The following ADK variants were observed in gnomAD, a reference collection of about 807,000 sequenced individuals.
The protein encoded by ADK is adenosine kinase.
A neutral mutation model predicts 44.7 loss-of-function variants in ADK; 24 were observed. The observed-to-expected ratio is 0.54, with a 90% CI of 0.39 to 0.76. The LOEUF (loss-of-function observed/expected upper bound fraction) is 0.76. Among genes scored for constraint, ADK ranks in the 30% least tolerant of loss-of-function variants. The pLI, the probability that ADK is intolerant of heterozygous loss-of-function variation, is 0.00. For synonymous variants in ADK, 128 were observed against 142.6 expected, an observed-to-expected ratio of 0.90 and a Z score of 0.73; for missense variants, 321 against 425.1, an observed-to-expected ratio of 0.76 and a Z score of 2.15.
intron 6 of ADK, chr10:74,423,605 TGTC>T: frequency 3.3e-6 from 1 of 299,156 alleles, no homozygotes; most frequent in Non-Finnish European, 6.7e-6. Flanking sequence ...CATAGTCAAC[TGTC>T]GTCGTCTGCA....
chr10:74,259,967 T>C (rs1845981426), intron 3 of ADK, among the ~76,000 whole-genome samples: 1 of 152,170 alleles, frequency 6.6e-6, no homozygotes, highest in South Asian at 2.1e-4. Flanking sequence ...ACTATGTATG[T>C]TAAGTGCATT....
intron 6 of ADK, among the ~76,000 whole-genome samples, chr10:74,467,439 G>A (rs1846400727): frequency 6.6e-6 from 1 of 152,062 alleles, no homozygotes; most frequent in Admixed American, 6.6e-5. Context: ...TATCTCCAGG[G>A]CTTGCTTCGT....
At chr10:74,199,098 A>T (rs1843271828) in intron 1 of ADK, among the ~76,000 whole-genome samples, 1 of 152,190 alleles carries the variant, frequency 6.6e-6, no homozygotes, top group African/African-American at 2.4e-5. Flanking sequence ...GAATTATATC[A>T]CTTCTGATAT....
intron 3 of ADK, among the ~76,000 whole-genome samples, chr10:74,252,119 C>T (rs1845673865): frequency 6.6e-6 from 1 of 152,002 alleles, no homozygotes; most frequent in Admixed American, 6.6e-5. Flanking sequence ...CCTCTCCCCT[C>T]ATTTTTGGAT....
At chr10:74,517,364 A>G (rs1369903159) in intron 6 of ADK, among the ~76,000 whole-genome samples, 3 of 152,098 alleles carry the variant, frequency 2.0e-5, no homozygotes, top group African/African-American at 7.2e-5. Context: ...TTTATAACAT[A>G]CCTGAAGTTG....
Position 74,342,657 on chromosome 10 carries a change from T to A in ADK, c.273+27912T>A, listed in dbSNP as rs143530861. On this transcript the variant is annotated intron_variant, in intron 4 of 10. Coordinates refer to ENST00000539909, the MANE Select transcript of ADK (RefSeq NM_006721.4). ...CCTGGCTAATTTTTAATTTTTTTTG[T>A]AGAGACAGAGTCTTGCCATGTTGCC... is the stretch of plus-strand genomic sequence containing the variant. Among the ~76,000 whole-genome samples the A allele has an allele frequency of 9.0e-3, 1,371 of 152,232 alleles. 13 individuals carry two copies. The highest frequency in any genetic ancestry group is 0.016 in the Non-Finnish European group (1,074 of 67,998).
intron 9 of ADK, 67 bp from the exon 10 acceptor site, chr10:74,670,116 A>G: frequency 8.2e-7 from 1 of 1,225,702 alleles, no homozygotes; most frequent in Admixed American, 1.7e-5. Context: ...TTCAGATGTT[A>G]CTGGGTGAGC....
At chr10:74,349,011 C>T (rs1402374119) in intron 4 of ADK, among the ~76,000 whole-genome samples, 2 of 152,078 alleles carry the variant, frequency 1.3e-5, no homozygotes, top group Non-Finnish European at 2.9e-5. Context: ...TCCAGGAGAA[C>T]TTCCCCAACC....
intron 4 of ADK, among the ~76,000 whole-genome samples, chr10:74,339,151 G>T (rs1283247048): frequency 6.6e-6 from 1 of 151,916 alleles, no homozygotes; most frequent in South Asian, 2.1e-4. Flanking sequence ...GTAGAGATGG[G>T]GGTCTCACCA....
At chr10:74,604,247 T>C (rs537387467) in intron 9 of ADK, among the ~76,000 whole-genome samples, 1 of 152,376 alleles carries the variant, frequency 6.6e-6, no homozygotes, top group East Asian at 1.9e-4. Flanking sequence ...AGAAGCTCTT[T>C]AGTTTAATTG....
At chr10:74,355,088 A>G (rs1057288550) in intron 4 of ADK, among the ~76,000 whole-genome samples, 1 of 152,080 alleles carries the variant, frequency 6.6e-6, no homozygotes, top group East Asian at 1.9e-4. Context: ...TGGTCTCCCA[A>G]TGTGCTAGAA....
At chr10:74,565,065 G>T (rs1850605561) in intron 7 of ADK, among the ~76,000 whole-genome samples, 1 of 152,136 alleles carries the variant, frequency 6.6e-6, no homozygotes. Context: ...GTGCCCAAAG[G>T]CCCTGAGAAA....
At chr10:74,297,685 ATATGTT>A (rs1353821081) in intron 3 of ADK, among the ~76,000 whole-genome samples, 1 of 152,192 alleles carries the variant, frequency 6.6e-6, no homozygotes, top group African/African-American at 2.4e-5. Flanking sequence ...AAAGGTTTTT[ATATGTT>A]TTAATGTTTG....
chr10:74,455,705 T>C (rs1164488281), intron 6 of ADK, among the ~76,000 whole-genome samples: 1 of 152,140 alleles, frequency 6.6e-6, no homozygotes, highest in African/African-American at 2.4e-5. Context: ...AGACAGGGTT[T>C]CACCATGTTG....
chr10:74,672,151 T>A (rs1855212938), intron 10 of ADK, among the ~76,000 whole-genome samples: 1 of 152,204 alleles, frequency 6.6e-6, no homozygotes, highest in Non-Finnish European at 1.5e-5. Context: ...TGGGGTATAG[T>A]TAGGTAAGCA....
chr10:74,188,334 G>A (rs996456434), intron 1 of ADK, among the ~76,000 whole-genome samples: 9 of 118,916 alleles, frequency 7.6e-5, no homozygotes, highest in Non-Finnish European at 1.5e-4. Flanking sequence ...TTTTGGACAT[G>A]TATTTTTAAT....
chr10:74,406,528 A>ATAAT (rs1843937945), intron 6 of ADK, among the ~76,000 whole-genome samples: 1 of 18,434 alleles, frequency 5.4e-5, no homozygotes, highest in African/African-American at 1.8e-4. Flanking sequence ...AATAATAATA[A>ATAAT]GAAGAAGAAG....
At chr10:74,545,285 T>C (rs1052196473) in intron 7 of ADK, among the ~76,000 whole-genome samples, 11 of 152,220 alleles carry the variant, frequency 7.2e-5, no homozygotes, top group African/African-American at 2.4e-4. Context: ...TCCTCTCAAC[T>C]TTTTTCAAAA....
intron 6 of ADK, among the ~76,000 whole-genome samples, chr10:74,411,645 C>G (rs1844181266): frequency 6.6e-6 from 1 of 152,198 alleles, no homozygotes; most frequent in Non-Finnish European, 1.5e-5. Flanking sequence ...TGGCTGCTGA[C>G]TGCTCAGAGT....
Sources: allele counts gnomAD v4.1 joint callset (sites outside exome capture counted in the v4.1 genomes callset), GRCh38; gene constraint gnomAD v4.1.1; transcripts MANE v1.5; gene names NCBI Gene and HGNC (gene_info 2026-07-23, HGNC 2026-07-21).